GRID2: variants seen among roughly 807,000 people sequenced by gnomAD.
GRID2 encodes the protein glutamate receptor ionotropic, delta-2.
Under a neutral mutation model 114.8 loss-of-function variants are expected in GRID2, and 33 were observed. The ratio of observed to expected loss-of-function variants is 0.29; its 90% confidence interval spans 0.22 to 0.38. The LOEUF (loss-of-function observed/expected upper bound fraction) is 0.38, where lower values mean the gene tolerates loss of function less well. Ranked by LOEUF, GRID2 falls within the 10% of genes least tolerant of loss-of-function variation. GRID2 has a pLI of 1.00. For synonymous variants in GRID2, 505 were observed against 449.9 expected, an observed-to-expected ratio of 1.12 and a Z score of -1.55; for missense variants, 1,184 against 1,257.7, an observed-to-expected ratio of 0.94 and a Z score of 0.89.
chr4:92,948,683 A>G (rs1751819777), intron 2 of GRID2, among the ~76,000 whole-genome samples: 2 of 151,950 alleles, frequency 1.3e-5, no homozygotes, highest in Admixed American at 1.3e-4. Flanking sequence ...TTTTTTAGGG[A>G]ATGGAACTCA....
rs72891213 is a variant in GRID2, at chr4:93,646,111, T to C, written c.2360+19676T>C. 5.8e-3 allele frequency among the ~76,000 whole-genome samples: 886 copies of C among 152,334 alleles called. 5 individuals carry two copies. Among genetic ancestry groups the C allele is most frequent in the African/African-American group, 0.02 (851 of 41,574 alleles). On this transcript the variant is annotated intron_variant, in intron 14 of 15. Coordinates refer to ENST00000282020, the MANE Select transcript of GRID2 (RefSeq NM_001510.4). Reference sequence around the variant, plus strand: ...AAACAGTGAACAAGACTGACAAGATTATTACTTTCCTGAAGCTTACATTTT... The same window carrying C: ...AAACAGTGAACAAGACTGACAAGATCATTACTTTCCTGAAGCTTACATTTT...
At chr4:93,466,906 G>T (rs1215176520) in intron 11 of GRID2, among the ~76,000 whole-genome samples, 1 of 152,142 alleles carries the variant, frequency 6.6e-6, no homozygotes, top group African/African-American at 2.4e-5. Flanking sequence ...TTGAAAGAAA[G>T]CCTTTAAGCT....
intron 2 of GRID2, among the ~76,000 whole-genome samples, chr4:92,707,766 G>C (rs866847059): frequency 3.9e-4 from 59 of 152,264 alleles, no homozygotes; most frequent in African/African-American, 1.3e-3. Flanking sequence ...GAAAATAACA[G>C]CAAGAAAACT....
intron 4 of GRID2, among the ~76,000 whole-genome samples, chr4:93,145,898 G>A (rs1411395184): frequency 1.3e-5 from 2 of 151,032 alleles, no homozygotes; most frequent in African/African-American, 2.4e-5. Context: ...TTTATAGTCT[G>A]TAGTGATGAT....
chr4:92,747,615 T>G (rs2149335999), intron 2 of GRID2, among the ~76,000 whole-genome samples: 1 of 152,240 alleles, frequency 6.6e-6, no homozygotes, highest in African/African-American at 2.4e-5. Context: ...ACTTTTTCAA[T>G]TACACTTTCT....
rs374415655 is a variant in GRID2, at chr4:92,796,439, C to T, written c.244+206153C>T. Among the ~76,000 whole-genome samples the T allele has an allele frequency of 7.2e-5, 11 of 151,986 alleles. No individual in the cohort carries two copies. The East Asian group carries it at 1.8e-3, about 24-fold the overall frequency. The stretch of plus-strand genomic sequence containing the variant: ...TTGTACAACCGAAAGACTGACAGCT[C>T]GTGTTCATCTTTGCCTTCAAGGCTT... On this transcript the variant is annotated intron_variant, in intron 2 of 15. Coordinates refer to ENST00000282020, the MANE Select transcript of GRID2 (RefSeq NM_001510.4).
intron 2 of GRID2, among the ~76,000 whole-genome samples, chr4:92,744,877 T>G (rs1236380659): frequency 2.6e-5 from 4 of 152,206 alleles, no homozygotes; most frequent in Admixed American, 2.6e-4. Flanking sequence ...TTAAGATTTC[T>G]GGCGTTCTGT....
intron 2 of GRID2, among the ~76,000 whole-genome samples, chr4:92,650,891 C>T (rs1731895360): frequency 6.6e-6 from 1 of 151,902 alleles, no homozygotes; most frequent in Non-Finnish European, 1.5e-5. Context: ...CTGACCCAAC[C>T]CCACAAGGTA....
At position 92,603,118 on chromosome 4, in the gene GRID2, A is replaced by C. The variant is rs1257770739; in HGVS notation, c.244+12832A>C. The stretch of plus-strand genomic sequence containing the variant: ...AATAATCAATATTATGAAAATGGCC[A>C]TACTGCTCAAAGCAATGTATAGATT... On this transcript the variant is annotated intron_variant, in intron 2 of 15. Transcript: ENST00000282020. 4.6e-5 allele frequency among the ~76,000 whole-genome samples: 7 copies of C among 152,328 alleles called. No individual in the cohort carries two copies. In the East Asian group the frequency reaches 1.4e-3, roughly 29 times the overall value.
At chr4:93,192,895 A>G (rs1246247135) in intron 4 of GRID2, among the ~76,000 whole-genome samples, 1 of 152,182 alleles carries the variant, frequency 6.6e-6, no homozygotes, top group Admixed American at 6.5e-5. Context: ...ATCTCATGAG[A>G]TAATTATTTG....
At chr4:92,612,147 T>G (rs539693295) in intron 2 of GRID2, among the ~76,000 whole-genome samples, 41 of 151,632 alleles carry the variant, frequency 2.7e-4, no homozygotes, top group African/African-American at 9.4e-4. Context: ...GTGTTTGTGT[T>G]TGAGTATGGT....
intron 2 of GRID2, among the ~76,000 whole-genome samples, chr4:92,733,654 G>C (rs1005017376): frequency 1.3e-5 from 2 of 152,080 alleles, no homozygotes; most frequent in Admixed American, 6.6e-5. Context: ...TGTTCCTCTT[G>C]CTCAACAATT....
chr4:93,123,375 A>G (rs568529379), intron 4 of GRID2, among the ~76,000 whole-genome samples: 1 of 152,340 alleles, frequency 6.6e-6, no homozygotes, highest in East Asian at 1.9e-4. Flanking sequence ...TTGTACCATT[A>G]TTTTAAATAT....
At chr4:92,812,962 C>G (rs535488115) in intron 2 of GRID2, among the ~76,000 whole-genome samples, 10 of 152,120 alleles carry the variant, frequency 6.6e-5, no homozygotes, top group Admixed American at 2.0e-4. Context: ...CATTTTATGA[C>G]TTTGATAGTA....
chr4:93,381,252 G>C (rs955855592), intron 8 of GRID2, among the ~76,000 whole-genome samples: 1 of 151,872 alleles, frequency 6.6e-6, no homozygotes, highest in Non-Finnish European at 1.5e-5. Context: ...TGTCCAGCCC[G>C]TGGCAACTGC....
chr4:93,156,279 T>C (rs779431347), intron 4 of GRID2, among the ~76,000 whole-genome samples: 4 of 151,830 alleles, frequency 2.6e-5, no homozygotes, highest in African/African-American at 4.8e-5. Context: ...TGAATACATA[T>C]GAAAAATTAA....
intron 13 of GRID2, among the ~76,000 whole-genome samples, chr4:93,543,924 T>C (rs1255761484): frequency 1.3e-5 from 2 of 152,202 alleles, no homozygotes; most frequent in African/African-American, 4.8e-5. Flanking sequence ...ATGCAACCAA[T>C]GTAAGAACTA....
At chr4:93,704,866 A>C (rs1303908322) in intron 14 of GRID2, among the ~76,000 whole-genome samples, 2 of 152,178 alleles carry the variant, frequency 1.3e-5, no homozygotes, top group Non-Finnish European at 2.9e-5. Context: ...ACGGACACTT[A>C]GGTTGCTTCC....
chr4:92,893,762 T>A, intron 2 of GRID2, among the ~76,000 whole-genome samples: 1 of 152,174 alleles, frequency 6.6e-6, no homozygotes, highest in East Asian at 1.9e-4. Flanking sequence ...CATCACCCAC[T>A]CTGCTTAATT....
Sources: gnomAD v4.1 joint callset for allele counts (sites outside exome capture counted in the v4.1 genomes callset) on GRCh38, gnomAD v4.1.1 for gene constraint, MANE v1.5 for transcripts, NCBI Gene and HGNC (gene_info 2026-07-23, HGNC 2026-07-21) for gene names.